The following PLEKHA6 variants were observed in gnomAD, a reference collection of about 807,000 sequenced individuals.
PLEKHA6 encodes pleckstrin homology domain-containing family A member 6.
A neutral mutation model predicts 116.7 loss-of-function variants in PLEKHA6; 60 were observed. That is an observed-to-expected ratio of 0.51 (90% CI 0.42 to 0.64). The LOEUF is 0.64. Ranked by LOEUF, PLEKHA6 falls within the 30% of genes least tolerant of loss-of-function variation. The pLI, the probability that PLEKHA6 is intolerant of heterozygous loss-of-function variation, is 0.00. For missense variants in PLEKHA6, 1,338 were observed against 1,422.7 expected (o/e 0.94, Z 0.96); for synonymous variants, 489 against 556.1 (o/e 0.88, Z 1.70).
chr1:204,278,848 T>C (rs1162066230), intron 1 of PLEKHA6, among the ~76,000 whole-genome samples: 1 of 152,196 alleles, frequency 6.6e-6, no homozygotes, highest in African/African-American at 2.4e-5. Flanking sequence ...TCGATAAATA[T>C]TTGTTGAATG....
At chr1:204,292,501 T>C (rs1033249424) in intron 1 of PLEKHA6, among the ~76,000 whole-genome samples, 3 of 150,976 alleles carry the variant, frequency 2.0e-5, no homozygotes, top group Admixed American at 6.6e-5. Flanking sequence ...CCCTGGCTGA[T>C]ACCCACCTGT....
chr1:204,337,405 A>T (rs951624170), intron 1 of PLEKHA6, among the ~76,000 whole-genome samples: 4 of 152,206 alleles, frequency 2.6e-5, no homozygotes, highest in African/African-American at 9.7e-5. Flanking sequence ...TTACTAGCCT[A>T]CATCCTAACT....
chr1:204,276,179 T>C (rs1572024990), intron 1 of PLEKHA6, among the ~76,000 whole-genome samples: 1 of 152,030 alleles, frequency 6.6e-6, no homozygotes, highest in South Asian at 2.1e-4. Flanking sequence ...TCCAAAGACA[T>C]GCAGGAGATA....
intron 21 of PLEKHA6, 106 bp downstream of exon 21, chr1:204,227,977 T>C: frequency 7.8e-6 from 9 of 1,157,882 alleles, no homozygotes; most frequent in Non-Finnish European, 1.1e-5. Context: ...TCCTCAGCCT[T>C]GTATCTCTTT....
At chr1:204,306,061 A>G (rs1003449694) in intron 1 of PLEKHA6, among the ~76,000 whole-genome samples, 2 of 151,932 alleles carry the variant, frequency 1.3e-5, no homozygotes, top group African/African-American at 4.8e-5. Context: ...GGACTCCCCA[A>G]TCCCTCTTTT....
intron 1 of PLEKHA6, chr1:204,297,933 TC>T (rs1670444230): frequency 3.1e-6 from 3 of 978,246 alleles, no homozygotes; most frequent in African/African-American, 1.8e-5. Context: ...TTTGCTGTCC[TC>T]CCCCTACTCC....
At chr1:204,244,288 C>T (rs1485961025) in intron 15 of PLEKHA6, among the ~76,000 whole-genome samples, 1 of 149,278 alleles carries the variant, frequency 6.7e-6, no homozygotes, top group Non-Finnish European at 1.5e-5. Context: ...CGCGCCACCA[C>T]GCTCAGCTAA....
intron 3 of PLEKHA6, among the ~76,000 whole-genome samples, chr1:204,367,039 G>A (rs1275614152): frequency 1.3e-5 from 2 of 152,240 alleles, no homozygotes; most frequent in Non-Finnish European, 2.9e-5. Context: ...ACCAGAAGGT[G>A]AGGCCCACAG....
intron 1 of PLEKHA6, among the ~76,000 whole-genome samples, chr1:204,372,845 TAAA>T (rs891223303): frequency 1.3e-5 from 2 of 151,866 alleles, no homozygotes; most frequent in Non-Finnish European, 2.9e-5. Flanking sequence ...GAGTTTTATA[TAAA>T]AGGAATCATA....
intron 5 of PLEKHA6, among the ~76,000 whole-genome samples, chr1:204,266,543 G>A (rs549292906): frequency 1.3e-5 from 2 of 152,248 alleles, no homozygotes; most frequent in South Asian, 4.2e-4. Flanking sequence ...CCTGAGTCTT[G>A]GGCTTTTCTC....
intron 1 of PLEKHA6, among the ~76,000 whole-genome samples, chr1:204,350,545 G>A (rs956657777): frequency 2.6e-5 from 4 of 152,182 alleles, no homozygotes; most frequent in African/African-American, 9.7e-5. Context: ...CTGGAAAGCA[G>A]CCACCAAATC....
intron 1 of PLEKHA6, among the ~76,000 whole-genome samples, chr1:204,293,030 C>T (rs535854637): frequency 6.6e-6 from 1 of 152,284 alleles, no homozygotes; most frequent in Non-Finnish European, 1.5e-5. Context: ...CTCTCTCCCC[C>T]AACTTGTTCT....
intron 1 of PLEKHA6, among the ~76,000 whole-genome samples, chr1:204,375,903 T>C (rs1245630841): frequency 9.9e-6 from 1 of 100,818 alleles, no homozygotes; most frequent in Non-Finnish European, 2.1e-5. Flanking sequence ...CCCAAGCCTC[T>C]ACTTCCAAGG....
At chr1:204,233,380 A>C (rs1661493875) in intron 17 of PLEKHA6, among the ~76,000 whole-genome samples, 1 of 140,956 alleles carries the variant, frequency 7.1e-6, no homozygotes, top group African/African-American at 2.7e-5. Flanking sequence ...TCACTCTGTC[A>C]CCCAGGCTGG....
chr1:204,234,296 A>G (rs1661633512), intron 17 of PLEKHA6, among the ~76,000 whole-genome samples: 1 of 152,178 alleles, frequency 6.6e-6, no homozygotes, highest in Non-Finnish European at 1.5e-5. Context: ...AAGGCAGGAA[A>G]CAGATTGTGT....
At chr1:204,369,684 CTT>C (rs751147891) in intron 2 of PLEKHA6, 3 of 152,232 alleles carry the variant, frequency 2.0e-5, no homozygotes, top group Non-Finnish European at 4.4e-5. Context: ...CCGGGGGCAT[CTT>C]AACCCCTTCC....
At chr1:204,307,791 G>A (rs1671448030) in intron 1 of PLEKHA6, 15 of 800,350 alleles carry the variant, frequency 1.9e-5, no homozygotes, top group Non-Finnish European at 2.1e-5. Context: ...AGAGGTGCAG[G>A]CACTGGGAGA....
intron 1 of PLEKHA6, among the ~76,000 whole-genome samples, chr1:204,300,292 C>T (rs1408210644): frequency 6.6e-6 from 1 of 152,176 alleles, no homozygotes; most frequent in African/African-American, 2.4e-5. Flanking sequence ...ATCCTTCTCT[C>T]AAGACAGGTC....
At position 204,261,367 on chromosome 1, in the gene PLEKHA6, C is replaced by T. The variant is rs768992797; in HGVS notation, c.463G>A (p.Glu155Lys). The change falls in exon 7 of 23, where the codon GAG (glutamate) becomes AAG (lysine). Residue 155 changes from glutamate (E) to lysine (K), a missense_variant. Transcript: ENST00000272203. This position sits in a 1 kb window ranked among gnomAD's most constrained non-coding sequence, Gnocchi z 4.0. ...EQEAWIQAMG[E>K]AARVQIPPAQ... ...GGAGGGATCTGTACTCGAGCAGCCTCCCCCATGGCCTGGATCCAGGCCTCT... is the reference window on the plus strand; with the variant it reads ...GGAGGGATCTGTACTCGAGCAGCCTTCCCCATGGCCTGGATCCAGGCCTCT... The T allele has an allele frequency of 6.2e-7, 1 of 1,614,134 alleles. No individual in the cohort carries two copies. The highest frequency in any genetic ancestry group is 1.1e-5 in the South Asian group (1 of 91,078).
Sources: gnomAD v4.1 joint callset for allele counts (sites outside exome capture counted in the v4.1 genomes callset) on GRCh38, gnomAD v4.1.1 for gene constraint, Gnocchi (gnomAD v3.1) non-coding constraint, MANE v1.5 for transcripts, NCBI Gene and HGNC (gene_info 2026-07-23, HGNC 2026-07-21) for gene names.